Variants in TRIM2 observed in about 807,000 individuals in gnomAD.
TRIM2 encodes the protein tripartite motif containing 2.
A neutral mutation model predicts 75.2 loss-of-function variants in TRIM2; 20 were observed. The observed-to-expected ratio is 0.27, with a 90% confidence interval of 0.19 to 0.39. TRIM2 has a LOEUF of 0.39. Among genes scored for constraint, TRIM2 ranks in the 10% least tolerant of loss-of-function variants. TRIM2 has a pLI of 1.00. For missense variants in TRIM2, 660 were observed against 990.8 expected, an observed-to-expected ratio of 0.67 and a Z score of 4.48; for synonymous variants, 373 against 388.3, an observed-to-expected ratio of 0.96 and a Z score of 0.46.
At chr4:153,324,373 T>G (rs532569451) in intron 10 of TRIM2, 2 of 334,424 alleles carry the variant, frequency 6.0e-6, no homozygotes, top group South Asian at 1.1e-4. Flanking sequence ...TTGAAACTGG[T>G]GCAAATGAAG....
intron 3 of TRIM2, among the ~76,000 whole-genome samples, chr4:153,292,325 T>C: frequency 6.6e-6 from 1 of 152,346 alleles, no homozygotes; most frequent in South Asian, 2.1e-4. Flanking sequence ...ATTTTTTTGT[T>C]TTTCACAATA....
chr4:153,239,908 A>G (rs1746102193), intron 1 of TRIM2, among the ~76,000 whole-genome samples: 1 of 146,696 alleles, frequency 6.8e-6, no homozygotes, highest in Non-Finnish European at 1.5e-5. Flanking sequence ...GTTATCTGCA[A>G]CCTCCGCCTC....
At chr4:153,241,870 C>T (rs528799130) in intron 1 of TRIM2, among the ~76,000 whole-genome samples, 1 of 152,276 alleles carries the variant, frequency 6.6e-6, no homozygotes, top group East Asian at 1.9e-4. Flanking sequence ...GCTAGGAGAG[C>T]ACTGGCCATT....
Position 153,295,293 on chromosome 4 carries a change from G to A in TRIM2, c.787-20G>A. The A allele has an allele frequency of 6.4e-7, 1 of 1,560,044 alleles. No homozygotes were observed. Among genetic ancestry groups the A allele is most frequent in the African/African-American group, 1.4e-5 (1 of 73,954 alleles). ...CCCGCCCTGTGGGACGAGCTCACCAGGCCTCCGGTTTTCCCGCAGGTCCTC... is the reference window on the plus strand; with the variant it reads ...CCCGCCCTGTGGGACGAGCTCACCAAGCCTCCGGTTTTCCCGCAGGTCCTC... On this transcript the variant is annotated intron_variant, in intron 5 of 11. Transcript: ENST00000338700. The surrounding 1 kb of genome is among the most constrained non-coding windows in gnomAD (Gnocchi z 7.2).
rs1369518957 is a variant in TRIM2 at position 153,244,406 on chromosome 4, TTC to T, written c.31-25927_31-25926del. Among the ~76,000 whole-genome samples, 171 of 89,622 alleles carry T rather than the reference TTC, an allele frequency of 1.9e-3. 15 individuals are homozygous for T. The highest frequency in any genetic ancestry group is 3.0e-3 in the Non-Finnish European group (147 of 48,482). 58.8% of individuals were successfully genotyped at this position (89,622 alleles called of 152,430 possible). On this transcript the variant is annotated intron_variant, in intron 1 of 11. Coordinates refer to ENST00000338700, the MANE Select transcript of TRIM2 (RefSeq NM_015271.5). ...CTTCTTCTTCTTCTTCTTCTTCTTCTTCTTCTTCTTCTTCTTCTTCTTCTTCT... is the reference window on the plus strand; with the variant it reads ...CTTCTTCTTCTTCTTCTTCTTCTTCTTTCTTCTTCTTCTTCTTCTTCTTCT...
chr4:153,276,316 GA>G, intron 3 of TRIM2, 186 bp downstream of exon 3: 1 of 604,698 alleles, frequency 1.7e-6, no homozygotes, highest in Non-Finnish European at 2.9e-6. Flanking sequence ...TTTAAATAAC[GA>G]AATCAATCTC....
chr4:153,195,338 C>T (rs1733658944), intron 1 of TRIM2, among the ~76,000 whole-genome samples: 1 of 152,050 alleles, frequency 6.6e-6, no homozygotes, highest in African/African-American at 2.4e-5. Context: ...ACTGGCAAAA[C>T]CCCATCTCTA....
intron 1 of TRIM2, among the ~76,000 whole-genome samples, chr4:153,195,537 A>G (rs1366116744): frequency 6.6e-6 from 1 of 152,152 alleles, no homozygotes; most frequent in East Asian, 1.9e-4. Flanking sequence ...AGAAAAAGAA[A>G]GAATTGCTGG....
intron 1 of TRIM2, among the ~76,000 whole-genome samples, chr4:153,158,248 G>A (rs1308457012): frequency 6.6e-6 from 1 of 152,144 alleles, no homozygotes; most frequent in African/African-American, 2.4e-5. Flanking sequence ...CATACTGTTG[G>A]CTAAAATGCA....
intron 1 of TRIM2, chr4:153,266,975 C>CG (rs1387868156): frequency 6.9e-6 from 1 of 144,638 alleles, no homozygotes; most frequent in Non-Finnish European, 1.5e-5. Flanking sequence ...TGGTTGTGAT[C>CG]GGTTACCTGT....
At chr4:153,241,461 A>G (rs896979388) in intron 1 of TRIM2, among the ~76,000 whole-genome samples, 95 of 152,202 alleles carry the variant, frequency 6.2e-4, no homozygotes, top group African/African-American at 2.3e-3. Flanking sequence ...AAACAAACAA[A>G]TATTCCTTTA....
In TRIM2 at chr4:153,230,103, G is replaced by T. The variant is rs1001051232; in HGVS notation, c.30+25543G>T. Among the ~76,000 whole-genome samples the T allele has an allele frequency of 5.3e-5, 8 of 152,234 alleles. 1 individual carries two copies. Among genetic ancestry groups the T allele is most frequent in the Non-Finnish European group, 1.0e-4 (7 of 68,048 alleles). The stretch of plus-strand genomic sequence containing the variant: ...TAGATCTGTCTTTCAGTCTCTAGGG[G>T]CCTAGGCCCTGGCTTTCTGAATTTT... On this transcript the variant is annotated intron_variant, in intron 1 of 11. Transcript: ENST00000338700.
chr4:153,163,434 T>TCAG (rs768875911), intron 1 of TRIM2, among the ~76,000 whole-genome samples: 33 of 148,032 alleles, frequency 2.2e-4, no homozygotes, highest in Non-Finnish European at 3.4e-4. Context: ...TCTTCCTGCC[T>TCAG]CAGCCTCCCA....
chr4:153,246,187 C>G (rs1412471373), intron 1 of TRIM2, among the ~76,000 whole-genome samples: 4 of 152,192 alleles, frequency 2.6e-5, no homozygotes, highest in Admixed American at 1.3e-4. Flanking sequence ...TGCTAAGCAT[C>G]TTTTGGGCAT....
chr4:153,266,079 C>T (rs777931942), intron 1 of TRIM2, among the ~76,000 whole-genome samples: 82 of 152,186 alleles, frequency 5.4e-4, no homozygotes, highest in Non-Finnish European at 1.1e-3. Context: ...AGACGTCATA[C>T]CTATACCGTT....
chr4:153,335,906 G>C lies in TRIM2; in HGVS notation c.*940G>C. 1.0e-6 allele frequency: 1 copy of C among 985,836 alleles called. No homozygotes were observed. The highest frequency in any genetic ancestry group is 1.2e-6 in the Non-Finnish European group (1 of 829,936). 61.1% of individuals were successfully genotyped at this position (985,836 alleles called of 1,614,324 possible). The stretch of plus-strand genomic sequence containing the variant: ...TAGGACACCAGTATCCTAGGACAGA[G>C]AGCCATAAGTAGCCCTTTGGAGGAC... On this transcript the variant is annotated 3_prime_UTR_variant, in exon 12 of 12. Coordinates refer to ENST00000338700, the MANE Select transcript of TRIM2 (RefSeq NM_015271.5).
At chr4:153,236,332 C>T (rs1347079020) in intron 1 of TRIM2, among the ~76,000 whole-genome samples, 1 of 152,134 alleles carries the variant, frequency 6.6e-6, no homozygotes, top group African/African-American at 2.4e-5. Context: ...TTATCCTCAC[C>T]TTGTACCTCA....
Position 153,261,055 on chromosome 4 carries a change from CT to C in TRIM2, c.31-9277del, listed in dbSNP as rs759603745. Among the ~76,000 whole-genome samples the C allele has an allele frequency of 8.5e-5, 13 of 152,260 alleles. No individual in the cohort carries two copies. In the East Asian group the frequency reaches 2.3e-3, roughly 27 times the overall value. ...GATAATCCAAATGGTTCAGGATTTC[CT>C]TTCTATAAATGTACCAGAAGATTTG... On this transcript the variant is annotated intron_variant, in intron 1 of 11. Coordinates refer to ENST00000338700, the MANE Select transcript of TRIM2 (RefSeq NM_015271.5).
At chr4:153,253,953 A>G (rs1203424217) in intron 1 of TRIM2, among the ~76,000 whole-genome samples, 2 of 152,120 alleles carry the variant, frequency 1.3e-5, no homozygotes, top group African/African-American at 4.8e-5. Flanking sequence ...TACTTTATTT[A>G]TAAACTTGCT....
Sources: gnomAD v4.1 joint callset for allele counts (sites outside exome capture counted in the v4.1 genomes callset) on GRCh38, gnomAD v4.1.1 for gene constraint, Gnocchi (gnomAD v3.1) non-coding constraint, MANE v1.5 for transcripts, NCBI Gene and HGNC (gene_info 2026-07-23, HGNC 2026-07-21) for gene names.